ADGRL2: variants seen among roughly 807,000 people sequenced by gnomAD.
ADGRL2 encodes the protein adhesion G protein-coupled receptor L2, also known as calcium-independent alpha-latrotoxin receptor 2.
A neutral mutation model predicts 157.4 loss-of-function variants in ADGRL2; 44 were observed. That is an observed-to-expected ratio of 0.28 (90% CI 0.22 to 0.36). ADGRL2 has a LOEUF of 0.36. Ranked by LOEUF, ADGRL2 falls within the 10% of genes least tolerant of loss-of-function variation. The pLI is 1.00. For synonymous variants in ADGRL2, 585 were observed against 624.7 expected (o/e 0.94, Z 0.95); for missense variants, 1,510 against 1,768.9 (o/e 0.85, Z 2.63).
intron 2 of ADGRL2, among the ~76,000 whole-genome samples, chr1:81,841,960 T>G (rs2092598776): frequency 6.6e-6 from 1 of 152,084 alleles, no homozygotes. Context: ...GTTGCATGTG[T>G]GTTAGGAAAT....
At chr1:81,569,043 T>C (rs993991123) in intron 2 of ADGRL2, among the ~76,000 whole-genome samples, 2 of 152,190 alleles carry the variant, frequency 1.3e-5, no homozygotes, top group Non-Finnish European at 2.9e-5. Flanking sequence ...TTAAATTTCC[T>C]CTGTATAGCC....
intron 2 of ADGRL2, among the ~76,000 whole-genome samples, chr1:81,450,485 C>A (rs1047632614): frequency 5.9e-5 from 9 of 152,030 alleles, no homozygotes; most frequent in Non-Finnish European, 7.4e-5. Context: ...ATGAAATTAA[C>A]AAGAAGCAAG....
At chr1:81,310,098 A>C (rs1659641812) in intron 1 of ADGRL2, among the ~76,000 whole-genome samples, 1 of 152,168 alleles carries the variant, frequency 6.6e-6, no homozygotes, top group African/African-American at 2.4e-5. Context: ...TTCCCCAGCC[A>C]AAATACACCA....
intron 2 of ADGRL2, among the ~76,000 whole-genome samples, chr1:81,859,600 G>C (rs1010929184): frequency 6.6e-6 from 1 of 151,784 alleles, no homozygotes; most frequent in East Asian, 1.9e-4. Context: ...TAGACACAGG[G>C]TCTTGCCATG....
intron 3 of ADGRL2, among the ~76,000 whole-genome samples, chr1:81,635,221 G>A (rs1259409370): frequency 6.6e-6 from 1 of 152,108 alleles, no homozygotes; most frequent in African/African-American, 2.4e-5. Context: ...TCCTCTCTCC[G>A]TGTTCGCCTT....
chr1:81,533,568 C>A (rs141733922), intron 2 of ADGRL2, among the ~76,000 whole-genome samples: 1 of 152,190 alleles, frequency 6.6e-6, no homozygotes, highest in African/African-American at 2.4e-5. Flanking sequence ...GGCTTCTTTT[C>A]CTTGCAGTTA....
At chr1:81,778,240 T>G (rs751672855) in intron 2 of ADGRL2, among the ~76,000 whole-genome samples, 5 of 151,018 alleles carry the variant, frequency 3.3e-5, no homozygotes, top group Non-Finnish European at 5.9e-5. Flanking sequence ...GAGAATGGCG[T>G]GAACTCGGGA....
chr1:81,564,398 G>T (rs1331719399), intron 2 of ADGRL2, among the ~76,000 whole-genome samples: 1 of 152,162 alleles, frequency 6.6e-6, no homozygotes, highest in Admixed American at 6.5e-5. Flanking sequence ...ACCGGAGGAG[G>T]ATCCACTCCC....
intron 3 of ADGRL2, among the ~76,000 whole-genome samples, chr1:81,638,503 A>C (rs1426672696): frequency 6.6e-6 from 1 of 152,232 alleles, no homozygotes; most frequent in Non-Finnish European, 1.5e-5. Flanking sequence ...TAAGTGCGAT[A>C]AATAACAGCT....
At chr1:81,967,958 A>G in intron 13 of ADGRL2, 68 bp from the exon 14 acceptor site, 2 of 1,282,190 alleles carry the variant, frequency 1.6e-6, no homozygotes, top group South Asian at 2.4e-5. Flanking sequence ...TTTTATACAT[A>G]TTAAACAATT....
At chr1:81,910,192 TC>T (rs2094683446) in intron 3 of ADGRL2, among the ~76,000 whole-genome samples, 1 of 151,070 alleles carries the variant, frequency 6.6e-6, no homozygotes. Context: ...GTGGCCAAGA[TC>T]ACGCCACTGA....
intron 2 of ADGRL2, among the ~76,000 whole-genome samples, chr1:81,464,382 CA>C (rs1333780178): frequency 6.6e-6 from 1 of 152,044 alleles, no homozygotes; most frequent in African/African-American, 2.4e-5. Context: ...GGCAGCCTAT[CA>C]GTTTGCTTAG....
chr1:81,595,134 G>A (rs1237084104), intron 3 of ADGRL2, among the ~76,000 whole-genome samples: 1 of 152,136 alleles, frequency 6.6e-6, no homozygotes, highest in Non-Finnish European at 1.5e-5. Flanking sequence ...TGCTATGCTA[G>A]CAGCACCAGC....
At chr1:81,915,919 G>C (rs1247450838) in intron 3 of ADGRL2, among the ~76,000 whole-genome samples, 1 of 152,110 alleles carries the variant, frequency 6.6e-6, no homozygotes, top group African/African-American at 2.4e-5. Flanking sequence ...TTTGAAAGGA[G>C]AGTATTATGG....
intron 1 of ADGRL2, among the ~76,000 whole-genome samples, chr1:81,422,307 C>T (rs1055988994): frequency 2.6e-5 from 4 of 152,168 alleles, no homozygotes; most frequent in East Asian, 1.9e-4. Context: ...TGCAATGGTA[C>T]GATCTCAGCT....
chr1:81,383,870 C>T (rs528495195), intron 1 of ADGRL2, among the ~76,000 whole-genome samples: 27 of 145,332 alleles, frequency 1.9e-4, no homozygotes, highest in Admixed American at 1.4e-3. Context: ...AGGAGAATCA[C>T]TCAAACCCAG....
At chr1:81,665,528 A>C (rs1168565922) in intron 3 of ADGRL2, among the ~76,000 whole-genome samples, 4 of 152,178 alleles carry the variant, frequency 2.6e-5, no homozygotes, top group Non-Finnish European at 5.9e-5. Context: ...CACTGGAATG[A>C]ATAGTCAGAG....
At chr1:81,644,151 G>A (rs1244473585) in intron 3 of ADGRL2, among the ~76,000 whole-genome samples, 5 of 152,086 alleles carry the variant, frequency 3.3e-5, no homozygotes, top group Non-Finnish European at 5.9e-5. Context: ...AAATGGCGCT[G>A]AACAACTGAC....
chr1:81,686,942 C>T (rs116176631), intron 3 of ADGRL2, among the ~76,000 whole-genome samples: 2,319 of 152,144 alleles, frequency 0.015, 18 homozygotes, highest in Non-Finnish European at 0.024. Flanking sequence ...TGTGTGGTTT[C>T]GAAGGTCCCT....
Sources: allele counts gnomAD v4.1 joint callset (sites outside exome capture counted in the v4.1 genomes callset), GRCh38; gene constraint gnomAD v4.1.1; transcripts MANE v1.5; gene names NCBI Gene and HGNC (gene_info 2026-07-23, HGNC 2026-07-21).